The following MEI4 variants were observed in gnomAD, a reference collection of about 807,000 sequenced individuals.
MEI4 encodes meiosis-specific protein MEI4.
A neutral mutation model predicts 31.4 loss-of-function variants in MEI4; 27 were observed. The observed-to-expected ratio is 0.86, with a 90% CI of 0.63 to 1.19. MEI4 has a LOEUF of 1.19. Ranked by LOEUF, MEI4 falls within the 50% of genes most tolerant of loss-of-function variation. MEI4 has a pLI of 0.00. For missense variants in MEI4, 329 were observed against 398.9 expected, an observed-to-expected ratio of 0.82 and a Z score of 1.49; for synonymous variants, 122 against 145.4, an observed-to-expected ratio of 0.84 and a Z score of 1.16.
At chr6:77,826,970 A>G (rs1414956725) in intron 3 of MEI4, among the ~76,000 whole-genome samples, 1 of 152,178 alleles carries the variant, frequency 6.6e-6, no homozygotes. Context: ...CTAGGTAAAC[A>G]TATAGGTCAA....
chr6:77,767,176 T>TA (rs1349957719), intron 3 of MEI4, among the ~76,000 whole-genome samples: 1 of 151,270 alleles, frequency 6.6e-6, no homozygotes, highest in Non-Finnish European at 1.5e-5. Context: ...GGTCAATAGA[T>TA]AGAGACCATC....
At chr6:77,660,599 C>T (rs1768486714) in intron 1 of MEI4, among the ~76,000 whole-genome samples, 1 of 152,004 alleles carries the variant, frequency 6.6e-6, no homozygotes, top group Non-Finnish European at 1.5e-5. Context: ...TCGTAAAGCC[C>T]TGTCGCAAAA....
chr6:77,882,090 T>A (rs1771502908), intron 4 of MEI4, among the ~76,000 whole-genome samples: 1 of 152,192 alleles, frequency 6.6e-6, no homozygotes. Flanking sequence ...TCCTGCAATT[T>A]CCTTTAAGTC....
intron 3 of MEI4, among the ~76,000 whole-genome samples, chr6:77,827,043 G>C (rs1769969061): frequency 6.6e-6 from 1 of 152,060 alleles, no homozygotes; most frequent in Non-Finnish European, 1.5e-5. Context: ...AACCAAGGTA[G>C]CTGCTACTTC....
intron 4 of MEI4, among the ~76,000 whole-genome samples, chr6:77,865,569 A>T (rs535165582): frequency 2.2e-4 from 34 of 152,358 alleles, no homozygotes; most frequent in African/African-American, 8.2e-4. Flanking sequence ...ACAGGCTCTG[A>T]AATTGAGGCA....
intron 3 of MEI4, among the ~76,000 whole-genome samples, chr6:77,798,809 A>G (rs1769160851): frequency 6.6e-6 from 1 of 151,916 alleles, no homozygotes; most frequent in Admixed American, 6.6e-5. Context: ...ATGTCCCTAC[A>G]AAGGACATGA....
chr6:77,736,455 T>C lies in MEI4; in HGVS notation c.233-24675T>C, dbSNP rs571980908. 1.4e-3 allele frequency among the ~76,000 whole-genome samples: 215 copies of C among 152,214 alleles called. 4 individuals are homozygous for C. The highest frequency in any genetic ancestry group is 4.6e-3 in the African/African-American group (189 of 41,458). On this transcript the variant is annotated intron_variant, in intron 2 of 4. Transcript: ENST00000684080. ...GGAAAGGGAACTCCCTGACCCCTTG[T>C]GCTTCTGGAGTGAGGCAATGCCTCG...
intron 4 of MEI4, among the ~76,000 whole-genome samples, chr6:77,918,375 T>C (rs201602981): frequency 0.072 from 9,011 of 125,382 alleles, 236 homozygotes; most frequent in East Asian, 0.23. Context: ...GCCATTTTCA[T>C]GATATTGATT....
At position 77,698,210 on chromosome 6, in the gene MEI4, CT is replaced by C. The variant is rs560759039; in HGVS notation, c.232+7309del. On this transcript the variant is annotated intron_variant, in intron 2 of 4. Coordinates refer to ENST00000684080, the MANE Select transcript of MEI4 (RefSeq NM_001322247.2). ...AATATAGCACACTGATGGGTCTTGA[CT>C]TCTTTATCCAATTTGCCAGTCTGTG... 6.9e-3 allele frequency among the ~76,000 whole-genome samples: 1,056 copies of C among 152,226 alleles called. 11 individuals are homozygous for C. Among genetic ancestry groups the C allele is most frequent in the African/African-American group, 0.024 (996 of 41,532 alleles).
rs150911584 is a variant in MEI4, at chr6:77,829,548, G to A, written c.900+486G>A. ...CTCTGAATTTGGAATTCTGGTACTGGTATTATTAGAGCACTTCAGGTGATT... is the reference window on the plus strand; with the variant it reads ...CTCTGAATTTGGAATTCTGGTACTGATATTATTAGAGCACTTCAGGTGATT... On this transcript the variant is annotated intron_variant, in intron 4 of 4. Transcript: ENST00000684080. 7.0e-3 allele frequency among the ~76,000 whole-genome samples: 1,071 copies of A among 152,232 alleles called. 13 individuals carry two copies. The highest frequency in any genetic ancestry group is 0.024 in the African/African-American group (1,011 of 41,560).
At chr6:77,841,522 A>G (rs1393121832) in intron 4 of MEI4, among the ~76,000 whole-genome samples, 3 of 150,702 alleles carry the variant, frequency 2.0e-5, no homozygotes, top group African/African-American at 2.4e-5. Context: ...CTGTATTTTT[A>G]GTAGAGATGG....
At chr6:77,839,201 G>GT (rs1292512026) in intron 4 of MEI4, among the ~76,000 whole-genome samples, 4 of 152,040 alleles carry the variant, frequency 2.6e-5, no homozygotes, top group Non-Finnish European at 4.4e-5. Flanking sequence ...TTTTGTATTT[G>GT]TTTTTTTATC....
chr6:77,925,859 T>C lies in MEI4; in HGVS notation c.*2513T>C, dbSNP rs1766830903. On this transcript the variant is annotated 3_prime_UTR_variant, in exon 5 of 5. Coordinates refer to ENST00000684080, the MANE Select transcript of MEI4 (RefSeq NM_001322247.2). Reference sequence around the variant, plus strand: ...ATATGAATAAGTAATATTATACATATATATACGATATGTATAATAAATACC... The same window carrying C: ...ATATGAATAAGTAATATTATACATACATATACGATATGTATAATAAATACC... 6.7e-6 allele frequency: 1 copy of C among 149,480 alleles called. No individual in the cohort carries two copies. The highest frequency in any genetic ancestry group is 2.1e-4 in the South Asian group (1 of 4,806). 9.3% of individuals were successfully genotyped at this position (149,480 alleles called of 1,614,324 possible).
chr6:77,656,879 A>C (rs906005553), intron 1 of MEI4, among the ~76,000 whole-genome samples: 1 of 152,226 alleles, frequency 6.6e-6, no homozygotes, highest in Non-Finnish European at 1.5e-5. Context: ...TGTAACAAAT[A>C]GATTTTAAAA....
intron 2 of MEI4, among the ~76,000 whole-genome samples, chr6:77,722,537 C>G (rs1365683539): frequency 5.3e-5 from 8 of 151,146 alleles, no homozygotes; most frequent in African/African-American, 1.2e-4. Flanking sequence ...TCATTTTTCC[C>G]TAGTCCCTTT....
chr6:77,673,600 T>C (rs1318796875), intron 1 of MEI4, among the ~76,000 whole-genome samples: 3 of 152,130 alleles, frequency 2.0e-5, no homozygotes, highest in Admixed American at 6.5e-5. Flanking sequence ...GAAGATGACA[T>C]AGCCCCTGAC....
At chr6:77,900,882 G>A (rs1473941449) in intron 4 of MEI4, among the ~76,000 whole-genome samples, 3 of 151,666 alleles carry the variant, frequency 2.0e-5, no homozygotes, top group Non-Finnish European at 4.4e-5. Flanking sequence ...TTATTCCTCG[G>A]TCTCTGGTAA....
At chr6:77,802,649 CT>C (rs1466932809) in intron 3 of MEI4, among the ~76,000 whole-genome samples, 1 of 152,096 alleles carries the variant, frequency 6.6e-6, no homozygotes, top group Non-Finnish European at 1.5e-5. Flanking sequence ...TTCAGGAGCT[CT>C]TTTAGGACAG....
chr6:77,891,041 C>A (rs182219399), intron 4 of MEI4, among the ~76,000 whole-genome samples: 9 of 152,276 alleles, frequency 5.9e-5, no homozygotes, highest in Admixed American at 5.9e-4. Context: ...TGAGCTAATA[C>A]AGATACTTCT....
Sources: allele counts gnomAD v4.1 joint callset (sites outside exome capture counted in the v4.1 genomes callset), GRCh38; gene constraint gnomAD v4.1.1; transcripts MANE v1.5; gene names NCBI Gene and HGNC (gene_info 2026-07-23, HGNC 2026-07-21).